The following GRIA3 variants were observed in gnomAD, a reference collection of about 807,000 sequenced individuals.
The protein encoded by GRIA3 is glutamate receptor 3.
GRIA3 carries 3 observed loss-of-function variants against 63.0 expected under a neutral mutation model. The ratio of observed to expected loss-of-function variants is 0.05; its 90% confidence interval spans 0.02 to 0.12. The LOEUF is 0.12. GRIA3 is among the 10% of genes least tolerant of loss of function. The probability of loss-of-function intolerance (pLI) is 1.00; values close to 1 mark genes in which losing one functional copy is unlikely to be tolerated. For missense variants in GRIA3, 347 were observed against 700.9 expected (o/e 0.50, Z 5.70); for synonymous variants, 274 against 257.9 (o/e 1.06, Z -0.60).
At chrX:123,280,850 A>G in intron 3 of GRIA3, among the ~76,000 whole-genome samples, 1 of 111,948 alleles carries the variant, frequency 8.9e-6, no homozygotes, top group Middle Eastern at 4.6e-3. Context: ...TTTCTGGCTA[A>G]ACAAAATTTA....
intron 2 of GRIA3, among the ~76,000 whole-genome samples, chrX:123,239,029 C>T (rs1300497950): frequency 9.0e-6 from 1 of 110,695 alleles, no homozygotes; most frequent in Non-Finnish European, 1.9e-5. Context: ...AAATATCTAC[C>T]AAATTGATAC....
intron 3 of GRIA3, among the ~76,000 whole-genome samples, chrX:123,265,882 G>A (rs908700107): frequency 6.3e-5 from 7 of 111,645 alleles, no homozygotes; most frequent in African/African-American, 2.3e-4. Context: ...TGCCTAGATA[G>A]TAGATTAGGA....
chrX:123,212,422 T>G (rs184774749), intron 2 of GRIA3, among the ~76,000 whole-genome samples: 4 of 112,044 alleles, frequency 3.6e-5, no homozygotes, highest in Non-Finnish European at 7.5e-5. Context: ...AATGTTTACT[T>G]CTCTAGAAGT....
intron 4 of GRIA3, among the ~76,000 whole-genome samples, chrX:123,354,024 C>T (rs1001874184): frequency 8.9e-6 from 1 of 111,849 alleles, no homozygotes; most frequent in Non-Finnish European, 1.9e-5. Context: ...AAATGTACTT[C>T]GTGAACTGTA....
intron 2 of GRIA3, among the ~76,000 whole-genome samples, chrX:123,194,232 G>C (rs1223460232): frequency 1.8e-5 from 2 of 110,363 alleles, no homozygotes; most frequent in Non-Finnish European, 3.8e-5. Context: ...ATGAGGTATG[G>C]TGAGAATTTA....
intron 4 of GRIA3, among the ~76,000 whole-genome samples, chrX:123,337,036 G>T (rs1366719958): frequency 8.9e-6 from 1 of 112,126 alleles, no homozygotes; most frequent in Non-Finnish European, 1.9e-5. Flanking sequence ...GCATTTAAAA[G>T]CTCTTTCTAT....
At chrX:123,422,747 C>T (rs1012435417) in intron 11 of GRIA3, among the ~76,000 whole-genome samples, 2 of 112,259 alleles carry the variant, frequency 1.8e-5, no homozygotes, top group African/African-American at 6.5e-5. Context: ...ATTGGCTGCA[C>T]ATAATCATGC....
intron 2 of GRIA3, among the ~76,000 whole-genome samples, chrX:123,189,570 C>T (rs188083350): frequency 6.2e-5 from 7 of 112,757 alleles, no homozygotes; most frequent in South Asian, 7.4e-4. Flanking sequence ...ATTCCCTCTC[C>T]GCACTGTCAT....
At chrX:123,282,373 T>C (rs181884659) in intron 3 of GRIA3, among the ~76,000 whole-genome samples, 231 of 112,415 alleles carry the variant, frequency 2.1e-3, no homozygotes, top group Non-Finnish European at 3.5e-3. Flanking sequence ...AATAAATCTT[T>C]CTGATATCTG....
chrX:123,442,107 TGAAGGACACTTTCAC>T (rs1325312294), intron 12 of GRIA3, among the ~76,000 whole-genome samples: 3 of 112,232 alleles, frequency 2.7e-5, no homozygotes, highest in East Asian at 2.8e-4. Context: ...GACAGGTACT[TGAAGGACACTTTCAC>T]GAAGGACACT....
intron 2 of GRIA3, among the ~76,000 whole-genome samples, chrX:123,199,370 AAAGGCAATTTTTAGCCACTTC>A: frequency 9.4e-6 from 1 of 106,429 alleles, no homozygotes; most frequent in African/African-American, 3.5e-5. Flanking sequence ...GGTTATGACC[AAAGGCAATTTTTAGCCACTTC>A]CTATCCCAGT....
chrX:123,247,556 A>G (rs2044366316), intron 2 of GRIA3, among the ~76,000 whole-genome samples: 1 of 111,633 alleles, frequency 9.0e-6, no homozygotes, highest in South Asian at 3.8e-4. Flanking sequence ...ATACAGAGAC[A>G]GGCACTCTTA....
chrX:123,483,063 GT>G lies in GRIA3; in HGVS notation c.*2+18del. On this transcript the variant is annotated intron_variant, in intron 15 of 15. Coordinates refer to ENST00000620443, the MANE Select transcript of GRIA3 (RefSeq NM_007325.5). ...GATCTAGGGGTACGGTTAAGGTCTA[GT>G]AAACTAATCAGCTTTACTTTACTGT... is the stretch of plus-strand genomic sequence containing the variant. 8.7e-7 allele frequency: 1 copy of G among 1,155,128 alleles called. No homozygotes were observed. Among genetic ancestry groups the G allele is most frequent in the South Asian group, 1.8e-5 (1 of 55,634 alleles).
At chrX:123,372,669 G>A (rs1258900026) in intron 5 of GRIA3, among the ~76,000 whole-genome samples, 1 of 110,953 alleles carries the variant, frequency 9.0e-6, no homozygotes, top group Non-Finnish European at 1.9e-5. Context: ...TTCCTTTTCA[G>A]ATTGTTCATT....
chrX:123,280,355 C>A (rs1218214603), intron 3 of GRIA3, among the ~76,000 whole-genome samples: 1 of 112,300 alleles, frequency 8.9e-6, no homozygotes, highest in Admixed American at 9.4e-5. Context: ...ACCACTTCAT[C>A]TTTTTTTGTG....
intron 12 of GRIA3, among the ~76,000 whole-genome samples, chrX:123,452,128 T>C (rs2045735917): frequency 8.9e-6 from 1 of 111,845 alleles, no homozygotes; most frequent in Admixed American, 9.5e-5. Context: ...TAGCTAGTTG[T>C]TGCAGCTGTA....
At chrX:123,255,312 C>T (rs1351675563) in intron 3 of GRIA3, among the ~76,000 whole-genome samples, 1 of 111,607 alleles carries the variant, frequency 9.0e-6, no homozygotes, top group Admixed American at 9.5e-5. Context: ...CAGGAAGGAA[C>T]ACTGTGTGTT....
chrX:123,283,072 C>T (rs2044596180), intron 3 of GRIA3, among the ~76,000 whole-genome samples: 2 of 111,797 alleles, frequency 1.8e-5, no homozygotes, highest in Non-Finnish European at 3.8e-5. Context: ...ACTGGTTAGA[C>T]AGTGGGTGCA....
At chrX:123,226,909 T>A (rs989714280) in intron 2 of GRIA3, among the ~76,000 whole-genome samples, 3 of 92,862 alleles carry the variant, frequency 3.2e-5, no homozygotes, top group Non-Finnish European at 6.6e-5. Context: ...TTCCTGTCCC[T>A]CTCCCTGACC....
Sources: allele counts gnomAD v4.1 joint callset (sites outside exome capture counted in the v4.1 genomes callset), GRCh38; gene constraint gnomAD v4.1.1; transcripts MANE v1.5; gene names NCBI Gene and HGNC (gene_info 2026-07-23, HGNC 2026-07-21).